The following CACNA2D3 variants were observed in gnomAD, a reference collection of about 807,000 sequenced individuals.
The protein encoded by CACNA2D3 is voltage-dependent calcium channel subunit alpha-2/delta-3.
A neutral mutation model predicts 160.6 loss-of-function variants in CACNA2D3; 60 were observed. That is an observed-to-expected ratio of 0.37 (90% CI 0.30 to 0.46). The LOEUF (loss-of-function observed/expected upper bound fraction) is 0.46. CACNA2D3 is among the 20% of genes least tolerant of loss of function. The pLI is 1.00. For missense variants in CACNA2D3, 1,205 were observed against 1,365.0 expected, an observed-to-expected ratio of 0.88 and a Z score of 1.85; for synonymous variants, 558 against 492.9, an observed-to-expected ratio of 1.13 and a Z score of -1.75.
intron 11 of CACNA2D3, among the ~76,000 whole-genome samples, chr3:54,745,024 A>C (rs1441214532): frequency 1.3e-5 from 2 of 152,246 alleles, no homozygotes. Flanking sequence ...TGTTTTAGTC[A>C]GGTATAATAA....
chr3:54,676,420 G>T (rs1438383513), intron 11 of CACNA2D3, among the ~76,000 whole-genome samples: 1 of 152,112 alleles, frequency 6.6e-6, no homozygotes, highest in Non-Finnish European at 1.5e-5. Flanking sequence ...ACCTCTGTAG[G>T]CTCTGACTAG....
At chr3:54,837,263 C>G in intron 15 of CACNA2D3, 33 bp downstream of exon 15, 2 of 1,593,646 alleles carry the variant, frequency 1.3e-6, no homozygotes, top group South Asian at 2.2e-5. Context: ...CTGCTTGATG[C>G]TAGGAGGGTG....
chr3:54,716,183 C>T (rs2106974110), intron 11 of CACNA2D3, among the ~76,000 whole-genome samples: 1 of 152,292 alleles, frequency 6.6e-6, no homozygotes, highest in Middle Eastern at 3.4e-3. Context: ...CCCATGTACG[C>T]TTCCCCAGTT....
At chr3:54,994,976 TA>T (rs1298666199) in intron 31 of CACNA2D3, among the ~76,000 whole-genome samples, 21 of 152,156 alleles carry the variant, frequency 1.4e-4, no homozygotes, top group South Asian at 6.2e-4. Context: ...TTTATTTATT[TA>T]TTTATTTTTT....
chr3:54,278,951 T>A (rs147984367), intron 2 of CACNA2D3, among the ~76,000 whole-genome samples: 17 of 152,264 alleles, frequency 1.1e-4, no homozygotes, highest in African/African-American at 4.1e-4. Flanking sequence ...ACCTGCATGT[T>A]CTGCACATGT....
chr3:54,285,387 C>T (rs1320631641), intron 2 of CACNA2D3, among the ~76,000 whole-genome samples: 6 of 152,164 alleles, frequency 3.9e-5, no homozygotes, highest in African/African-American at 9.7e-5. Flanking sequence ...GGGGGAGGGT[C>T]GCCTGCCATT....
chr3:54,670,337 A>G (rs1275898725), intron 11 of CACNA2D3, among the ~76,000 whole-genome samples: 1 of 152,212 alleles, frequency 6.6e-6, no homozygotes, highest in Non-Finnish European at 1.5e-5. Context: ...CCTGGAGTTC[A>G]TAGGCCTTCC....
intron 8 of CACNA2D3, among the ~76,000 whole-genome samples, chr3:54,575,109 T>A (rs570012109): frequency 6.6e-6 from 1 of 152,358 alleles, no homozygotes; most frequent in Non-Finnish European, 1.5e-5. Context: ...AAAAGATCCC[T>A]AGGATGGCTT....
At chr3:54,574,224 C>T (rs529160755) in intron 8 of CACNA2D3, among the ~76,000 whole-genome samples, 1 of 152,204 alleles carries the variant, frequency 6.6e-6, no homozygotes, top group African/African-American at 2.4e-5. Flanking sequence ...GCCGGAAGCC[C>T]TCGTGTACTG....
intron 34 of CACNA2D3, among the ~76,000 whole-genome samples, chr3:55,015,283 C>G (rs941937344): frequency 1.3e-5 from 2 of 152,180 alleles, no homozygotes; most frequent in East Asian, 1.9e-4. Flanking sequence ...AATTTTGGTT[C>G]TGCCACATAC....
chr3:54,581,452 G>A (rs7356005), intron 8 of CACNA2D3, among the ~76,000 whole-genome samples: 12,543 of 152,158 alleles, frequency 0.082, 1,642 homozygotes, highest in African/African-American at 0.28. Flanking sequence ...CAACTCTGGG[G>A]TGCTCTTCAG....
intron 17 of CACNA2D3, among the ~76,000 whole-genome samples, chr3:54,849,082 A>G (rs1187741608): frequency 6.6e-6 from 1 of 152,188 alleles, no homozygotes; most frequent in African/African-American, 2.4e-5. Flanking sequence ...TTTTTGTGAT[A>G]GACATTGGGA....
intron 35 of CACNA2D3, among the ~76,000 whole-genome samples, chr3:55,064,781 A>G (rs1251529232): frequency 6.6e-6 from 1 of 152,148 alleles, no homozygotes; most frequent in Non-Finnish European, 1.5e-5. Flanking sequence ...AAACCAGAGC[A>G]TGGCAATGTT....
In CACNA2D3 at chr3:54,843,885, G is replaced by A. The variant is rs78688782; in HGVS notation, c.1552-2508G>A. ...GTGGTGCCGCCTACTGAGAGAGGAG[G>A]AAGAAGAACAGCTTTAGAAGAACTC... On this transcript the variant is annotated intron_variant, in intron 16 of 37. Transcript: ENST00000474759. 4.9e-3 allele frequency among the ~76,000 whole-genome samples: 751 copies of A among 152,272 alleles called. 8 individuals carry two copies. The highest frequency in any genetic ancestry group is 0.016 in the African/African-American group (676 of 41,536).
At chr3:54,759,504 A>C (rs1702042218) in intron 12 of CACNA2D3, among the ~76,000 whole-genome samples, 1 of 152,062 alleles carries the variant, frequency 6.6e-6, no homozygotes, top group Admixed American at 6.5e-5. Context: ...AGGCTCAGAA[A>C]GATTTTAAAC....
At chr3:54,218,162 C>A (rs990997788) in intron 2 of CACNA2D3, among the ~76,000 whole-genome samples, 4 of 152,104 alleles carry the variant, frequency 2.6e-5, no homozygotes, top group Non-Finnish European at 5.9e-5. Context: ...GGGACTATCC[C>A]CTTCACATCT....
intron 11 of CACNA2D3, among the ~76,000 whole-genome samples, chr3:54,717,978 A>G (rs1575438844): frequency 6.6e-6 from 1 of 152,120 alleles, no homozygotes; most frequent in South Asian, 2.1e-4. Flanking sequence ...TTTCATATGT[A>G]TATTAGAAAT....
At chr3:54,643,554 A>G (rs773476817) in intron 11 of CACNA2D3, among the ~76,000 whole-genome samples, 1 of 152,228 alleles carries the variant, frequency 6.6e-6, no homozygotes, top group Non-Finnish European at 1.5e-5. Flanking sequence ...AATAAATTTG[A>G]TCAACCATAA....
At chr3:54,331,919 G>T (rs1303172616) in intron 3 of CACNA2D3, among the ~76,000 whole-genome samples, 1 of 152,110 alleles carries the variant, frequency 6.6e-6, no homozygotes, top group Non-Finnish European at 1.5e-5. Flanking sequence ...GAAAATCAGA[G>T]CTATCCCCTC....
Sources: allele counts gnomAD v4.1 joint callset (sites outside exome capture counted in the v4.1 genomes callset), GRCh38; gene constraint gnomAD v4.1.1; transcripts MANE v1.5; gene names NCBI Gene and HGNC (gene_info 2026-07-23, HGNC 2026-07-21).